The following STXBP4 variants were observed in gnomAD, a reference collection of about 807,000 sequenced individuals.
STXBP4 encodes the protein syntaxin-binding protein 4.
A neutral mutation model predicts 76.1 loss-of-function variants in STXBP4; 55 were observed. The ratio of observed to expected loss-of-function variants is 0.72; its 90% CI spans 0.58 to 0.91. The LOEUF (loss-of-function observed/expected upper bound fraction) is 0.91, where lower values mean the gene tolerates loss of function less well. Ranked by LOEUF, STXBP4 falls within the 40% of genes least tolerant of loss-of-function variation. STXBP4 has a pLI of 0.00. For missense variants in STXBP4, 618 were observed against 636.9 expected, an observed-to-expected ratio of 0.97 and a Z score of 0.32; for synonymous variants, 201 against 220.2, an observed-to-expected ratio of 0.91 and a Z score of 0.77.
At chr17:54,983,742 C>T (rs985670036) in intron 1 of STXBP4, among the ~76,000 whole-genome samples, 1 of 152,028 alleles carries the variant, frequency 6.6e-6, no homozygotes, top group Non-Finnish European at 1.5e-5. Flanking sequence ...TGAGAATGAC[C>T]TCTCTTGAGG....
At chr17:55,124,438 A>G (rs181167668) in intron 16 of STXBP4, among the ~76,000 whole-genome samples, 83 of 152,358 alleles carry the variant, frequency 5.4e-4, no homozygotes, top group African/African-American at 2.0e-3. Flanking sequence ...AAAATAAGGT[A>G]GGGAATACAA....
chr17:55,000,300 C>T, intron 6 of STXBP4: 3 of 976,794 alleles, frequency 3.1e-6, no homozygotes, highest in Non-Finnish European at 3.6e-6. Context: ...ATAGTTCACC[C>T]AAGTAGAATC....
At chr17:55,197,617 C>T in the STXBP4 span, among the ~76,000 whole-genome samples, 11 of 152,108 alleles carry the variant, frequency 7.2e-5, no homozygotes, top group Non-Finnish European at 1.0e-4. Flanking sequence ...GTGGCATGCA[C>T]CTGTAGTCCC....
Position 55,043,834 on chromosome 17 carries a change from G to T in STXBP4, c.945+509G>T, listed in dbSNP as rs576036592. On this transcript the variant is annotated intron_variant, in intron 11 of 17. Transcript: ENST00000376352. The stretch of plus-strand genomic sequence containing the variant: ...TTTCTTCTCTTTTTTTGTTTGTTTG[G>T]TTTTTTGATTCTTGTTTTTGTTTTG... The T allele has an allele frequency of 2.1e-4, 120 of 579,072 alleles. No homozygotes were observed. The African/African-American group carries it at 2.2e-3, about 11-fold the overall frequency. The allele number at this position is 579,072 out of a possible 1,614,324, so 35.9% of individuals were successfully genotyped here.
the STXBP4 span, among the ~76,000 whole-genome samples, chr17:55,189,098 A>T: frequency 6.6e-6 from 1 of 151,974 alleles, no homozygotes. Context: ...AGAATCCATG[A>T]TTTCTCCCCT....
intron 16 of STXBP4, among the ~76,000 whole-genome samples, chr17:55,133,065 T>C (rs934192748): frequency 6.6e-6 from 1 of 152,240 alleles, no homozygotes; most frequent in South Asian, 2.1e-4. Flanking sequence ...ACTTTTTGTT[T>C]TTTTAATGAT....
chr17:55,085,413 G>A, intron 16 of STXBP4, among the ~76,000 whole-genome samples: 1 of 152,034 alleles, frequency 6.6e-6, no homozygotes, highest in East Asian at 1.9e-4. Context: ...TAGTTGGGAT[G>A]GCTCAATAAT....
At chr17:55,122,456 T>C (rs957450357) in intron 16 of STXBP4, among the ~76,000 whole-genome samples, 2 of 152,138 alleles carry the variant, frequency 1.3e-5, no homozygotes, top group African/African-American at 4.8e-5. Flanking sequence ...AGAGTAACTC[T>C]AGGAAGAGAT....
intron 16 of STXBP4, among the ~76,000 whole-genome samples, chr17:55,085,293 G>A (rs900725116): frequency 6.6e-6 from 1 of 152,076 alleles, no homozygotes; most frequent in Admixed American, 6.6e-5. Flanking sequence ...CACCAGCAAG[G>A]CACATGTATA....
At chr17:55,016,223 T>C (rs1417035233) in intron 8 of STXBP4, among the ~76,000 whole-genome samples, 1 of 152,104 alleles carries the variant, frequency 6.6e-6, no homozygotes, top group Non-Finnish European at 1.5e-5. Flanking sequence ...TGTTTATCGG[T>C]TTAGTTACAC....
chr17:54,996,367 G>A (rs1353973032), intron 4 of STXBP4, among the ~76,000 whole-genome samples: 1 of 151,712 alleles, frequency 6.6e-6, no homozygotes, highest in Non-Finnish European at 1.5e-5. Context: ...GGATGATGAA[G>A]CTAGAAAAAG....
At chr17:55,175,734 G>C (rs372908685), downstream of STXBP4, among the ~76,000 whole-genome samples, 223 of 152,348 alleles carry the variant, frequency 1.5e-3, 7 homozygotes, top group South Asian at 0.045. Flanking sequence ...CCCTGCCAGA[G>C]CTGTAGTTGC....
intron 12 of STXBP4, among the ~76,000 whole-genome samples, chr17:55,049,724 G>T (rs906485012): frequency 6.6e-6 from 1 of 151,694 alleles, no homozygotes; most frequent in Non-Finnish European, 1.5e-5. Flanking sequence ...AAACATAATG[G>T]TTATCTTAAT....
chr17:55,026,558 A>G (rs536859484), intron 8 of STXBP4, among the ~76,000 whole-genome samples: 8 of 152,324 alleles, frequency 5.3e-5, no homozygotes, highest in Admixed American at 2.0e-4. Context: ...CCAAGAGTGT[A>G]AGATGGGTAG....
At chr17:55,038,414 TG>T (rs1408376275) in intron 10 of STXBP4, among the ~76,000 whole-genome samples, 1 of 152,180 alleles carries the variant, frequency 6.6e-6, no homozygotes, top group East Asian at 1.9e-4. Flanking sequence ...TGTACTCTTT[TG>T]TAACTTGCTG....
chr17:55,144,005 G>GCGCACACACACACA (rs373154905), intron 17 of STXBP4, among the ~76,000 whole-genome samples: 1 of 138,858 alleles, frequency 7.2e-6, no homozygotes, highest in African/African-American at 2.7e-5. Flanking sequence ...AAAGCCACCT[G>GCGCACACACACACA]CACACACACA....
chr17:55,090,855 C>CTGTGTGTG (rs57750914), intron 16 of STXBP4, among the ~76,000 whole-genome samples: 60 of 147,412 alleles, frequency 4.1e-4, no homozygotes, highest in African/African-American at 1.3e-3. Context: ...GTGTGTGTGT[C>CTGTGTGTG]TGTGTGTGTG....
At chr17:55,186,955 C>G in the STXBP4 span, among the ~76,000 whole-genome samples, 1 of 152,164 alleles carries the variant, frequency 6.6e-6, no homozygotes. Flanking sequence ...ATAAAAAGAG[C>G]TCACTCTTCA....
intron 9 of STXBP4, among the ~76,000 whole-genome samples, chr17:55,032,621 T>C (rs1056336210): frequency 2.0e-5 from 3 of 152,184 alleles, no homozygotes; most frequent in African/African-American, 7.2e-5. Context: ...TCTCAAGTAG[T>C]CCGGCATCTC....
Sources: allele counts gnomAD v4.1 joint callset (sites outside exome capture counted in the v4.1 genomes callset), GRCh38; gene constraint gnomAD v4.1.1; transcripts MANE v1.5; gene names NCBI Gene and HGNC (gene_info 2026-07-23, HGNC 2026-07-21).